SPOCK3: variants seen among roughly 807,000 people sequenced by gnomAD.
SPOCK3 encodes SPARC (osteonectin), cwcv and kazal like domains proteoglycan 3.
A neutral mutation model predicts 56.6 loss-of-function variants in SPOCK3; 30 were observed. The observed-to-expected ratio is 0.53, with a 90% CI of 0.40 to 0.72. The LOEUF is 0.72. SPOCK3 is among the 30% of genes least tolerant of loss of function. The pLI, the probability that SPOCK3 is intolerant of heterozygous loss-of-function variation, is 0.00. For missense variants in SPOCK3, 527 were observed against 530.0 expected (o/e 0.99, Z 0.06); for synonymous variants, 196 against 183.3 (o/e 1.07, Z -0.56).
chr4:166,954,566 T>C (rs1241204615), intron 4 of SPOCK3, among the ~76,000 whole-genome samples: 2 of 152,172 alleles, frequency 1.3e-5, no homozygotes, highest in Non-Finnish European at 2.9e-5. Flanking sequence ...CAACTGTCCT[T>C]TTCCCATTGT....
intron 2 of SPOCK3, among the ~76,000 whole-genome samples, chr4:167,212,232 A>G (rs1039116319): frequency 3.9e-5 from 6 of 152,104 alleles, no homozygotes; most frequent in Admixed American, 2.0e-4. Context: ...GACTTTTTAA[A>G]AAAGATTTAC....
intron 6 of SPOCK3, among the ~76,000 whole-genome samples, chr4:166,809,764 A>G (rs921888518): frequency 9.2e-5 from 14 of 152,090 alleles, no homozygotes; most frequent in Admixed American, 9.2e-4. Context: ...CCAATTGTGA[A>G]GCTTTGGTGT....
chr4:167,042,944 T>C (rs537493524), intron 3 of SPOCK3, among the ~76,000 whole-genome samples: 62 of 152,258 alleles, frequency 4.1e-4, no homozygotes, highest in African/African-American at 1.3e-3. Context: ...CAGATTATCC[T>C]GTTTTTTAAG....
intron 7 of SPOCK3, among the ~76,000 whole-genome samples, chr4:166,768,247 A>T (rs192430070): frequency 6.6e-6 from 1 of 152,084 alleles, no homozygotes; most frequent in Non-Finnish European, 1.5e-5. Context: ...TTAGCTGTTT[A>T]TTTTGCTCGT....
intron 4 of SPOCK3, among the ~76,000 whole-genome samples, chr4:166,991,091 A>G (rs1375769129): frequency 6.6e-6 from 1 of 151,928 alleles, no homozygotes; most frequent in Non-Finnish European, 1.5e-5. Context: ...CTCTTTTTTT[A>G]AGTCTCCTTA....
chr4:167,203,487 C>A (rs1235078883), intron 2 of SPOCK3, among the ~76,000 whole-genome samples: 3 of 151,082 alleles, frequency 2.0e-5, no homozygotes, highest in African/African-American at 7.3e-5. Context: ...AATGTATGAC[C>A]CAATATTTGT....
Position 166,819,384 on chromosome 4 carries a change from A to G in SPOCK3, c.590-27095T>C, listed in dbSNP as rs189139619. Among the ~76,000 whole-genome samples, 18 of 152,212 alleles carry G rather than the reference A, an allele frequency of 1.2e-4. No homozygotes were observed. The East Asian group carries it at 3.5e-3, about 30-fold the overall frequency. On this transcript the variant is annotated intron_variant, in intron 6 of 10. Coordinates refer to ENST00000357545, the MANE Select transcript of SPOCK3 (RefSeq NM_001040159.2). ...GGGCTTTCAGTCAGAGAAAGGAGGC[A>G]AAGGAAATAAACGTAAGGTATCAGG...
intron 4 of SPOCK3, among the ~76,000 whole-genome samples, chr4:166,934,214 G>A (rs1740109286): frequency 6.6e-6 from 1 of 151,908 alleles, no homozygotes; most frequent in African/African-American, 2.4e-5. Context: ...GTCACGGCCG[G>A]GCGCAGTGGC....
intron 8 of SPOCK3, among the ~76,000 whole-genome samples, chr4:166,742,716 T>C (rs1349541289): frequency 1.3e-5 from 2 of 152,182 alleles, no homozygotes; most frequent in African/African-American, 4.8e-5. Context: ...TAAGCTGTTA[T>C]TTTAAAAATA....
intron 10 of SPOCK3, among the ~76,000 whole-genome samples, chr4:166,736,329 A>T (rs1017473814): frequency 8.5e-5 from 13 of 152,144 alleles, no homozygotes; most frequent in African/African-American, 3.1e-4. Flanking sequence ...ATTGTCATCA[A>T]TGACAACAGA....
chr4:167,065,037 C>CAAAAAAAAGAAAAAAAAAA (rs1755978308), intron 2 of SPOCK3, among the ~76,000 whole-genome samples: 1 of 64,050 alleles, frequency 1.6e-5, no homozygotes, highest in Non-Finnish European at 2.7e-5. Flanking sequence ...ATGCCCTCTC[C>CAAAAAAAAGAAAAAAAAAA]AAAAAAAAAA....
At chr4:167,068,250 T>C (rs1756351699) in intron 2 of SPOCK3, among the ~76,000 whole-genome samples, 1 of 150,584 alleles carries the variant, frequency 6.6e-6, no homozygotes, top group South Asian at 2.1e-4. Flanking sequence ...ACCAAGCTTT[T>C]AGAAGAAGAA....
At chr4:167,234,597 A>C (rs976723724), upstream of SPOCK3, 25 of 186,630 alleles carry the variant, frequency 1.3e-4, no homozygotes, top group African/African-American at 3.6e-4. Flanking sequence ...CCCCATCTCC[A>C]CCCTCCCTTC....
At chr4:166,799,033 G>A (rs1328084206) in intron 6 of SPOCK3, among the ~76,000 whole-genome samples, 1 of 152,100 alleles carries the variant, frequency 6.6e-6, no homozygotes, top group Non-Finnish European at 1.5e-5. Context: ...TTTTAAGGAT[G>A]GGATAACAGT....
At chr4:166,748,422 T>A (rs1735933572) in intron 8 of SPOCK3, among the ~76,000 whole-genome samples, 1 of 137,024 alleles carries the variant, frequency 7.3e-6, no homozygotes, top group South Asian at 2.2e-4. Context: ...CTGGGAAAAC[T>A]GGCTAGCCAT....
chr4:167,058,574 C>T (rs1002536220), intron 3 of SPOCK3, among the ~76,000 whole-genome samples: 3 of 152,178 alleles, frequency 2.0e-5, no homozygotes, highest in Admixed American at 1.3e-4. Flanking sequence ...GGCCATACTG[C>T]CCAAGGTAAT....
In SPOCK3 at chr4:166,754,734, AG is replaced by A; in HGVS notation, c.710-6del. ...GCAAGATGCTGGTATCGAATCCTAAAGGCAAAAAAAAGAAAATGATTAGTTA... is the reference window on the plus strand; with the variant it reads ...GCAAGATGCTGGTATCGAATCCTAAAGCAAAAAAAAGAAAATGATTAGTTA... On this transcript the variant is annotated splice_region_variant and splice_polypyrimidine_tract_variant and intron_variant, in intron 7 of 10. Coordinates refer to ENST00000357545, the MANE Select transcript of SPOCK3 (RefSeq NM_001040159.2). 1 of 1,612,744 alleles carries A rather than the reference AG, an allele frequency of 6.2e-7. No individual in the cohort carries two copies. The highest frequency in any genetic ancestry group is 8.5e-7 in the Non-Finnish European group (1 of 1,179,342).
chr4:167,018,867 C>T (rs1318154257), intron 3 of SPOCK3, among the ~76,000 whole-genome samples: 1 of 151,948 alleles, frequency 6.6e-6, no homozygotes, highest in East Asian at 1.9e-4. Context: ...AGTGAAGCCA[C>T]CTCAATTTTG....
intron 6 of SPOCK3, among the ~76,000 whole-genome samples, chr4:166,813,153 T>C (rs1194729107): frequency 6.6e-6 from 1 of 152,070 alleles, no homozygotes; most frequent in Non-Finnish European, 1.5e-5. Flanking sequence ...TAAATTAAAA[T>C]ATATTTTCAT....
Sources: allele counts gnomAD v4.1 joint callset (sites outside exome capture counted in the v4.1 genomes callset), GRCh38; gene constraint gnomAD v4.1.1; transcripts MANE v1.5; gene names NCBI Gene and HGNC (gene_info 2026-07-23, HGNC 2026-07-21).